The following TNRC18 variants were observed in gnomAD, a reference collection of about 807,000 sequenced individuals.
TNRC18 encodes the protein trinucleotide repeat containing 18, also known as trinucleotide repeat-containing gene 18 protein.
In TNRC18, 69 loss-of-function variants were observed where a neutral mutation model predicts 226.7. That is an observed-to-expected ratio of 0.30 (90% CI 0.25 to 0.37). The LOEUF is 0.37. Ranked by LOEUF, TNRC18 falls within the 10% of genes least tolerant of loss-of-function variation. TNRC18 has a pLI of 1.00. For synonymous variants in TNRC18, 2,449 were observed against 1,927.6 expected (o/e 1.27, Z -7.09); for missense variants, 4,754 against 4,256.6 (o/e 1.12, Z -3.25).
intron 11 of TNRC18, among the ~76,000 whole-genome samples, chr7:5,365,012 C>A (rs925464004): frequency 6.9e-6 from 1 of 143,998 alleles, no homozygotes; most frequent in African/African-American, 2.6e-5. Flanking sequence ...AAGGAGCCTA[C>A]GCAGAATCAT....
At chr7:5,384,845 G>C (rs1453037700) in intron 5 of TNRC18, among the ~76,000 whole-genome samples, 1 of 152,196 alleles carries the variant, frequency 6.6e-6, no homozygotes, top group African/African-American at 2.4e-5. Flanking sequence ...GGCTTCCCTG[G>C]CTCCAGGAGC....
At position 5,376,866 on chromosome 7, in the gene TNRC18, A is replaced by C. The variant is rs779900263; in HGVS notation, c.2589T>G (p.Ser863Arg). The C allele has an allele frequency of 1.2e-6, 2 of 1,611,778 alleles. No individual in the cohort carries two copies. The highest frequency in any genetic ancestry group is 2.7e-5 in the African/African-American group (2 of 75,024). Residue 863 changes from serine (S) to arginine (R), a missense_variant, in exon 8 of 30, where the codon AGT (serine) becomes AGG (arginine). Transcript: ENST00000430969. ...ACTTACCAAAGTGAGGAAGGTGATC[A>C]CTGGGAATGACCACCAGCTGGCCCG... is the stretch of plus-strand genomic sequence containing the variant. ...PQSGQLVVIP[S>R]DHLPHFAELM...
rs1434720039 is a variant in TNRC18 at position 5,307,174 on chromosome 7, G to GGAAAT, written c.*927_*931dup. The GGAAAT allele has an allele frequency of 2.0e-5, 3 of 149,422 alleles. No individual in the cohort carries two copies. In the Admixed American group the frequency reaches 2.0e-4, roughly 10 times the overall value. The allele number at this position is 149,422 out of a possible 1,614,324, so 9.3% of individuals were successfully genotyped here. ...CGGTGCTAGACACTATAATCTAACA[G>GGAAAT]GAAATAAAAAATAATATTCTGCACG... is the stretch of plus-strand genomic sequence containing the variant. On this transcript the variant is annotated 3_prime_UTR_variant, in exon 30 of 30. Transcript: ENST00000430969.
At chr7:5,411,782 G>C (rs986833277) in intron 2 of TNRC18, among the ~76,000 whole-genome samples, 2 of 152,054 alleles carry the variant, frequency 1.3e-5, no homozygotes, top group South Asian at 4.2e-4. Flanking sequence ...CCCAAGAACC[G>C]GGCCAACCAG....
chr7:5,418,921 T>C (rs957510792), intron 2 of TNRC18, among the ~76,000 whole-genome samples: 5 of 152,196 alleles, frequency 3.3e-5, no homozygotes, highest in African/African-American at 1.2e-4. Flanking sequence ...TCCTTGCGGC[T>C]ACTCGAAGTG....
At position 5,371,105 on chromosome 7, in the gene TNRC18, C is replaced by T. The variant is rs1329563621; in HGVS notation, c.3489G>A (p.Glu1163=). The part of the protein sequence containing the change: ...LAEREVKAEV[E]DMDEGPTELP... Reference sequence around the variant, plus strand: ...GCTCTGTGGGGCCCTCGTCCATGTCCTCCACCTCTGCCTTCACCTCCCGCT... The same window carrying T: ...GCTCTGTGGGGCCCTCGTCCATGTCTTCCACCTCTGCCTTCACCTCCCGCT... Residue 1163 remains glutamate (E), a synonymous_variant, in exon 11 of 30, where the codon GAG becomes GAA. Transcript: ENST00000430969. The T allele has an allele frequency of 5.0e-6, 8 of 1,612,464 alleles. No individual in the cohort carries two copies. The highest frequency in any genetic ancestry group is 4.5e-5 in the East Asian group (2 of 44,886).
chr7:5,358,324 T>G (rs1179963334), intron 15 of TNRC18, among the ~76,000 whole-genome samples: 2 of 152,230 alleles, frequency 1.3e-5, no homozygotes. Flanking sequence ...GCCCCAGGTT[T>G]GAACATTTTA....
chr7:5,310,530 C>T lies in TNRC18; in HGVS notation c.8389-1162G>A, dbSNP rs550490996. 7.9e-5 allele frequency among the ~76,000 whole-genome samples: 12 copies of T among 151,438 alleles called. No homozygotes were observed. The East Asian group carries it at 1.6e-3, about 20-fold the overall frequency. The stretch of plus-strand genomic sequence containing the variant: ...GATTACAGGTGTGAGCCACTGCGCC[C>T]GGCTAAAACTATTATTTTTTTCAAG... On this transcript the variant is annotated intron_variant, in intron 27 of 29. Coordinates refer to ENST00000430969, the MANE Select transcript of TNRC18 (RefSeq NM_001080495.3).
chr7:5,337,189 A>C (rs1297323957), intron 18 of TNRC18, among the ~76,000 whole-genome samples: 1 of 152,202 alleles, frequency 6.6e-6, no homozygotes, highest in Non-Finnish European at 1.5e-5. Flanking sequence ...ACTTCTCATC[A>C]GAAACCAGAG....
chr7:5,317,995 C>A (rs1788020766), intron 24 of TNRC18, among the ~76,000 whole-genome samples: 1 of 152,060 alleles, frequency 6.6e-6, no homozygotes, highest in African/African-American at 2.4e-5. Context: ...CCTCAGCCTC[C>A]CGAGTAGCTG....
chr7:5,420,330 C>T lies in TNRC18; in HGVS notation c.187+730G>A, dbSNP rs978085576. ...CTGCCCGACCCGCTCTCTTCTTTCC[C>T]CCTAGGTTCGGGACCGCGATGGTCC... On this transcript the variant is annotated intron_variant, in intron 2 of 29. Transcript: ENST00000430969. 2.6e-5 allele frequency: 12 copies of T among 455,004 alleles called. No homozygotes were observed. The East Asian group carries it at 3.5e-4, about 13-fold the overall frequency. 28.2% of individuals were successfully genotyped at this position (455,004 alleles called of 1,614,324 possible).
At chr7:5,315,568 C>T (rs1787769590) in intron 25 of TNRC18, among the ~76,000 whole-genome samples, 1 of 152,000 alleles carries the variant, frequency 6.6e-6, no homozygotes, top group African/African-American at 2.4e-5. Flanking sequence ...GGACTACAGG[C>T]GCATGTCACC....
chr7:5,363,019 C>T (rs1389269833), intron 11 of TNRC18, among the ~76,000 whole-genome samples, 194 bp from the exon 12 acceptor site: 1 of 152,236 alleles, frequency 6.6e-6, no homozygotes, highest in African/African-American at 2.4e-5. Flanking sequence ...GAAGGCCAGG[C>T]ATGGTGGCTC....
intron 18 of TNRC18, among the ~76,000 whole-genome samples, chr7:5,342,938 C>T (rs533909458): frequency 1.3e-5 from 2 of 152,326 alleles, no homozygotes; most frequent in South Asian, 4.1e-4. Context: ...AGTCAGCAGC[C>T]ATCAACATCG....
In TNRC18 at chr7:5,374,104, G is replaced by C. The variant is rs1382111773; in HGVS notation, c.3180C>G (p.Asp1060Glu). ...EAPENVVEKK[D>E]LELEKEAPSP... Reference sequence around the variant, plus strand: ...TGGGGGCTTCCTTCTCCAACTCCAAGTCTTTCTTCTCGACCACATTCTCGG... The same window carrying C: ...TGGGGGCTTCCTTCTCCAACTCCAACTCTTTCTTCTCGACCACATTCTCGG... The change falls in exon 10 of 30, where the codon GAC becomes GAG. Residue 1060 changes from aspartate (D) to glutamate (E), a missense_variant. Physicochemically the swap from Asp to Glu is conservative, Grantham distance 45. Transcript: ENST00000430969. The C allele has an allele frequency of 6.4e-7, 1 of 1,574,568 alleles. No individual in the cohort carries two copies. Among genetic ancestry groups the C allele is most frequent in the Non-Finnish European group, 8.6e-7 (1 of 1,162,482 alleles).
At chr7:5,408,692 A>G (rs1781645387) in intron 2 of TNRC18, among the ~76,000 whole-genome samples, 1 of 152,180 alleles carries the variant, frequency 6.6e-6, no homozygotes, top group Non-Finnish European at 1.5e-5. Flanking sequence ...GCAGAGAGAC[A>G]AGAGATGTGC....
rs767065254 is a variant in TNRC18 at position 5,345,596 on chromosome 7, C to T, written c.5685G>A (p.Lys1895=). 4.9e-6 allele frequency: 7 copies of T among 1,439,832 alleles called. No homozygotes were observed. The highest frequency in any genetic ancestry group is 5.6e-6 in the Non-Finnish European group (6 of 1,077,944). 89.2% of individuals were successfully genotyped at this position (1,439,832 alleles called of 1,614,324 possible). A position where few individuals can be genotyped will look rare whatever the true frequency, so the allele number is the denominator to read the frequency against. The change falls in exon 18 of 30, where the codon AAG becomes AAA. Residue 1895 remains lysine, a synonymous_variant. Coordinates refer to ENST00000430969, the MANE Select transcript of TNRC18 (RefSeq NM_001080495.3). ...LSVVQLEAKQ[K]ARKKEERQSL... ...TCTGCCGCTCCTCTTTCTTCCGGGC[C>T]TTCTGCTTGGCCTCCAGCTGTACCA...
At chr7:5,342,584 C>A (rs1790795550) in intron 18 of TNRC18, among the ~76,000 whole-genome samples, 1 of 152,134 alleles carries the variant, frequency 6.6e-6, no homozygotes, top group Non-Finnish European at 1.5e-5. Context: ...TGAATTGTTG[C>A]AATGTCATGA....
At position 5,312,713 on chromosome 7, in the gene TNRC18, G is replaced by A. The variant is rs761538785; in HGVS notation, c.8178C>T (p.Pro2726=). 3 of 1,577,376 alleles carry A rather than the reference G, an allele frequency of 1.9e-6. No individual in the cohort carries two copies. The highest frequency in any genetic ancestry group is 1.8e-5 in the Admixed American group (1 of 54,786). The change falls in exon 27 of 30, where the codon CCC becomes CCT. Residue 2726 remains proline (P), a synonymous_variant. Transcript: ENST00000430969. This position sits in a 1 kb window ranked among gnomAD's most constrained non-coding sequence, Gnocchi z 6.3. ...SPGKKTPAPQ[P]QAPPPQPTQP... ...GTGTGGGCTGCGGAGGAGGCGCCTG[G>A]GGCTGGGGCGCGGGCGTCTTCTTGC...
Sources: gnomAD v4.1 joint callset for allele counts (sites outside exome capture counted in the v4.1 genomes callset) on GRCh38, gnomAD v4.1.1 for gene constraint, Gnocchi (gnomAD v3.1) non-coding constraint, MANE v1.5 for transcripts, NCBI Gene and HGNC (gene_info 2026-07-23, HGNC 2026-07-21) for gene names.